UTP20: variants seen among roughly 807,000 people sequenced by gnomAD.
UTP20 encodes the protein small subunit processome component 20 homolog.
In UTP20, 164 loss-of-function variants were observed where a neutral mutation model predicts 329.5. The ratio of observed to expected loss-of-function variants is 0.50; its 90% CI spans 0.44 to 0.57. The LOEUF (loss-of-function observed/expected upper bound fraction) is 0.57. UTP20 is among the 20% of genes least tolerant of loss of function. The pLI is 0.00. For synonymous variants in UTP20, 1,151 were observed against 1,159.3 expected, an observed-to-expected ratio of 0.99 and a Z score of 0.14; for missense variants, 3,055 against 3,284.2, an observed-to-expected ratio of 0.93 and a Z score of 1.71.
intron 51 of UTP20, 59 bp from the exon 52 acceptor site, chr12:101,372,825 G>A (rs1201554858): frequency 1.4e-6 from 2 of 1,426,212 alleles, no homozygotes; most frequent in Non-Finnish European, 2.0e-6. Flanking sequence ...AAGCAGCTTA[G>A]GAAACAGGAA....
At chr12:101,370,956 T>C (rs1018618711) in intron 50 of UTP20, 102 bp from the exon 51 acceptor site, 12 of 944,340 alleles carry the variant, frequency 1.3e-5, no homozygotes, top group Non-Finnish European at 1.8e-5. Context: ...GATACTTTCT[T>C]GTGTTTGAAA....
In UTP20 at chr12:101,386,134, T is replaced by C. The variant is rs367860206; in HGVS notation, c.*11T>C. On this transcript the variant is annotated 3_prime_UTR_variant, in exon 62 of 62. Coordinates refer to ENST00000261637, the MANE Select transcript of UTP20 (RefSeq NM_014503.3). ...GCAATGGTGGAGTAATGTCTCCCTGTGCTGATACAAGCATGAACTTTCTGG... is the reference window on the plus strand; with the variant it reads ...GCAATGGTGGAGTAATGTCTCCCTGCGCTGATACAAGCATGAACTTTCTGG... The C allele has an allele frequency of 4.1e-5, 65 of 1,595,714 alleles. No homozygotes were observed. The highest frequency in any genetic ancestry group is 5.3e-5 in the Non-Finnish European group (62 of 1,175,990).
intron 27 of UTP20, among the ~76,000 whole-genome samples, chr12:101,329,933 T>C (rs1868703228): frequency 6.7e-6 from 1 of 150,034 alleles, no homozygotes; most frequent in African/African-American, 2.5e-5. Flanking sequence ...AGATTGAGGC[T>C]GTAGTAGGCC....
In UTP20 at chr12:101,342,975, T is replaced by A. The variant is rs1222548828; in HGVS notation, c.4331T>A (p.Ile1444Asn). ...TTCGATCAAAGACATCTTGATGATA[T>A]CAACTTCGACGTTCGCTTTGAGACT... is the stretch of plus-strand genomic sequence containing the variant. ...NAFDQRHLDD[I>N]NFDVRFETFQ... The change falls in exon 35 of 62, where the codon ATC (isoleucine) becomes AAC (asparagine). Residue 1444 changes from isoleucine to asparagine, a missense_variant. Ile to Asn is a moderately radical substitution (Grantham distance 149). This residue lies in a region of UTP20 where 2,445 missense variants were observed against 2,575.5 expected (regional missense o/e 0.95). Coordinates refer to ENST00000261637, the MANE Select transcript of UTP20 (RefSeq NM_014503.3). 1.2e-6 allele frequency: 2 copies of A among 1,613,710 alleles called. No homozygotes were observed. Among genetic ancestry groups the A allele is most frequent in the Admixed American group, 1.7e-5 (1 of 59,954 alleles).
chr12:101,380,345 C>T (rs1440204169), intron 57 of UTP20, among the ~76,000 whole-genome samples: 1 of 151,812 alleles, frequency 6.6e-6, no homozygotes, highest in Non-Finnish European at 1.5e-5. Flanking sequence ...TGCCACTGCA[C>T]TCCAGTCTGG....
chr12:101,338,881 A>AAG lies in UTP20; in HGVS notation c.3937_3938insAG (p.Thr1313LysfsTer4). On this transcript the variant is annotated frameshift_variant, in exon 31 of 62. Transcript: ENST00000261637. LOFTEE classifies it high-confidence loss of function. ...TGCAATTCTTCAGTATCTCAGCAAAACCACAATAAGCGCAGAAAAGGTGAA... is the reference window on the plus strand; with the variant it reads ...TGCAATTCTTCAGTATCTCAGCAAAAAGCCACAATAAGCGCAGAAAAGGTGAA... The AAG allele has an allele frequency of 6.2e-7, 1 of 1,612,254 alleles. No homozygotes were observed. Among genetic ancestry groups the AAG allele is most frequent in the South Asian group, 1.1e-5 (1 of 90,772 alleles).
chr12:101,285,953 T>C, intron 4 of UTP20, 72 bp downstream of exon 4: 4 of 1,569,072 alleles, frequency 2.5e-6, no homozygotes, highest in Non-Finnish European at 1.7e-6. Flanking sequence ...GTTTCAAAGC[T>C]ACATATACCG....
At position 101,343,106 on chromosome 12, in the gene UTP20, A is replaced by G; in HGVS notation, c.4449+13A>G. 6.4e-7 allele frequency: 1 copy of G among 1,561,550 alleles called. No homozygotes were observed. Among genetic ancestry groups the G allele is most frequent in the East Asian group, 2.3e-5 (1 of 44,222 alleles). ...CTATAATCTAGAGGTAGGTTATTAT[A>G]GCAAAATTTTTAAATTATTTTTTAT... On this transcript the variant is annotated intron_variant, in intron 35 of 61. Transcript: ENST00000261637.
In UTP20 at chr12:101,383,068, A is replaced by G. The variant is rs1461440872; in HGVS notation, c.7684A>G (p.Lys2562Glu). Residue 2562 changes from lysine (K) to glutamate (E), a missense_variant, in exon 59 of 62, where the codon AAA (lysine) becomes GAA (glutamate). Lys to Glu is a moderately conservative substitution (Grantham distance 56). Around this residue, in one of 3 missense-constraint regions of UTP20, gnomAD observed 337 missense variants for 345.5 expected, o/e 0.98. Coordinates refer to ENST00000261637, the MANE Select transcript of UTP20 (RefSeq NM_014503.3). Reference protein sequence around the residue: ...QVVKNLLFAAKVLYLLELYCE... With the variant: ...QVVKNLLFAAEVLYLLELYCE... The stretch of plus-strand genomic sequence containing the variant: ...TGTTAAGAATTTGTTGTTCGCAGCC[A>G]AAGTCTTGTATTTACTGGAACTTTA... 2 of 1,601,520 alleles carry G rather than the reference A, an allele frequency of 1.2e-6. No homozygotes were observed. The highest frequency in any genetic ancestry group is 8.5e-7 in the Non-Finnish European group (1 of 1,176,786).
At chr12:101,379,306 T>C in intron 56 of UTP20, 65 bp from the exon 57 acceptor site, 1 of 1,396,314 alleles carries the variant, frequency 7.2e-7, no homozygotes, top group Non-Finnish European at 9.7e-7. Flanking sequence ...ATGCTTAACT[T>C]AGTCATATTT....
Position 101,366,546 on chromosome 12 carries a change from C to T in UTP20, c.6126-12C>T, listed in dbSNP as rs773192565. 3.9e-5 allele frequency: 63 copies of T among 1,607,700 alleles called. No homozygotes were observed. The highest frequency in any genetic ancestry group is 1.0e-4 in the Admixed American group (6 of 58,478). ...TGTTCTTTACCCTCTTCTCATGCCA[C>T]GTGATTGACAGAAATCCAGTAGCCC... On this transcript the variant is annotated splice_polypyrimidine_tract_variant and intron_variant, in intron 46 of 61. Transcript: ENST00000261637.
chr12:101,342,733 CA>C, intron 33 of UTP20, 53 bp from the exon 34 acceptor site: 1 of 1,574,652 alleles, frequency 6.4e-7, no homozygotes, highest in Non-Finnish European at 8.7e-7. Context: ...GGGAGGAGGG[CA>C]GAAAAGTTAA....
At chr12:101,307,645 G>A (rs1872676511) in intron 17 of UTP20, among the ~76,000 whole-genome samples, 1 of 152,134 alleles carries the variant, frequency 6.6e-6, no homozygotes, top group African/African-American at 2.4e-5. Flanking sequence ...CCAAAGTGCT[G>A]GGATTACAGG....
At position 101,372,869 on chromosome 12, in the gene UTP20, G is replaced by A; in HGVS notation, c.6799-15G>A. On this transcript the variant is annotated splice_polypyrimidine_tract_variant and intron_variant, in intron 51 of 61. Coordinates refer to ENST00000261637, the MANE Select transcript of UTP20 (RefSeq NM_014503.3). The stretch of plus-strand genomic sequence containing the variant: ...GTGAGATCCAAATAATCATCTGTGT[G>A]ACTTTTGTTCCTAGGTTTTTCTGAA... 6.2e-7 allele frequency: 1 copy of A among 1,605,614 alleles called. No homozygotes were observed. Among genetic ancestry groups the A allele is most frequent in the Non-Finnish European group, 8.5e-7 (1 of 1,172,362 alleles).
chr12:101,313,218 T>G (rs1292974413), intron 21 of UTP20, among the ~76,000 whole-genome samples: 5 of 152,200 alleles, frequency 3.3e-5, no homozygotes, highest in African/African-American at 1.2e-4. Flanking sequence ...TATAGTAGTT[T>G]CCTGGGAAAA....
chr12:101,299,870 A>C, intron 13 of UTP20, 33 bp downstream of exon 13: 1 of 1,602,596 alleles, frequency 6.2e-7, no homozygotes, highest in Non-Finnish European at 8.5e-7. Context: ...ATTTTGAAAG[A>C]GATAACATGC....
intron 46 of UTP20, among the ~76,000 whole-genome samples, chr12:101,365,878 A>T (rs1319278114): frequency 6.6e-6 from 1 of 152,242 alleles, no homozygotes; most frequent in Non-Finnish European, 1.5e-5. Context: ...GATAGGATAG[A>T]TTTTAAATCT....
At chr12:101,383,874 G>A (rs147225691) in intron 60 of UTP20, among the ~76,000 whole-genome samples, 220 of 150,676 alleles carry the variant, frequency 1.5e-3, no homozygotes, top group African/African-American at 4.8e-3. Context: ...ATTTAAAAAA[G>A]AGAGAGAGAT....
At chr12:101,311,832 A>G in intron 20 of UTP20, 34 bp downstream of exon 20, 1 of 1,588,430 alleles carries the variant, frequency 6.3e-7, no homozygotes, top group Non-Finnish European at 8.5e-7. Flanking sequence ...GCTGCGAAGA[A>G]AAGTGGTTGT....
Sources: gnomAD v4.1 joint callset for allele counts (sites outside exome capture counted in the v4.1 genomes callset) on GRCh38, gnomAD v4.1.1 for gene constraint, gnomAD v4.1.1 regional missense constraint, MANE v1.5 for transcripts, NCBI Gene and HGNC (gene_info 2026-07-23, HGNC 2026-07-21) for gene names.